Variants in RNF214 observed in about 807,000 individuals in gnomAD.
RNF214 encodes ring finger protein 214.
Under a neutral mutation model 75.9 loss-of-function variants are expected in RNF214, and 25 were observed. That is an observed-to-expected ratio of 0.33 (90% confidence interval 0.24 to 0.46). The LOEUF (loss-of-function observed/expected upper bound fraction) is 0.46. Ranked by LOEUF, RNF214 falls within the 20% of genes least tolerant of loss-of-function variation. The pLI, the probability that RNF214 is intolerant of heterozygous loss-of-function variation, is 1.00. For synonymous variants in RNF214, 314 were observed against 308.8 expected (o/e 1.02, Z -0.18); for missense variants, 725 against 857.5 (o/e 0.85, Z 1.93).
At chr11:117,265,574 C>T (rs142913921) in intron 6 of RNF214, among the ~76,000 whole-genome samples, 94 of 152,152 alleles carry the variant, frequency 6.2e-4, no homozygotes, top group African/African-American at 2.2e-3. Flanking sequence ...CTACTATGCC[C>T]AGCTGATTTT....
chr11:117,273,348 T>G (rs1295195203), intron 6 of RNF214, among the ~76,000 whole-genome samples: 2 of 146,274 alleles, frequency 1.4e-5, no homozygotes, highest in Non-Finnish European at 3.0e-5. Flanking sequence ...TTGCTTTTAT[T>G]TTCAAATTTG....
chr11:117,233,995 T>C (rs2032823681), intron 1 of RNF214, among the ~76,000 whole-genome samples: 1 of 152,246 alleles, frequency 6.6e-6, no homozygotes, highest in African/African-American at 2.4e-5. Context: ...TTGAAATGAC[T>C]ACATTTCTGC....
intron 14 of RNF214, among the ~76,000 whole-genome samples, chr11:117,283,585 T>A (rs1389222385): frequency 2.0e-5 from 3 of 152,182 alleles, no homozygotes; most frequent in Admixed American, 2.0e-4. Context: ...GGTCTCGAAC[T>A]CCTGACCTTG....
rs2034124814 is a variant in RNF214 at position 117,281,399 on chromosome 11, G to A, written c.1231G>A (p.Val411Ile). The A allele has an allele frequency of 6.2e-7, 1 of 1,607,846 alleles. No homozygotes were observed. The highest frequency in any genetic ancestry group is 1.3e-5 in the African/African-American group (1 of 74,888). The change falls in exon 9 of 15, where the codon GTT (valine) becomes ATT (isoleucine). Residue 411 changes from valine to isoleucine, a missense_variant. Val to Ile is a conservative substitution (Grantham distance 29). Around this residue, in one of 2 missense-constraint regions of RNF214, gnomAD observed 363 missense variants for 513.0 expected, o/e 0.71. Transcript: ENST00000300650. ...LNGVRIMKKN[V>I]RDQFNSHIQL... Reference sequence around the variant, plus strand: ...TGGAGTTCGGATAATGAAAAAGAATGTTCGTGTAAGTGTATCTATGAGTCA... The same window carrying A: ...TGGAGTTCGGATAATGAAAAAGAATATTCGTGTAAGTGTATCTATGAGTCA...
At chr11:117,250,120 G>A (rs2033332211) in intron 6 of RNF214, among the ~76,000 whole-genome samples, 1 of 152,234 alleles carries the variant, frequency 6.6e-6, no homozygotes, top group Non-Finnish European at 1.5e-5. Flanking sequence ...TACCATGACA[G>A]TGGTGGTATG....
At chr11:117,241,205 C>T (rs1276905706) in intron 4 of RNF214, among the ~76,000 whole-genome samples, 1 of 150,888 alleles carries the variant, frequency 6.6e-6, no homozygotes, top group African/African-American at 2.4e-5. Flanking sequence ...AACAAAAAAA[C>T]AAAAATTAGC....
At chr11:117,247,583 T>TGTAATTACA (rs139777810) in intron 6 of RNF214, among the ~76,000 whole-genome samples, 44,705 of 151,820 alleles carry the variant, frequency 0.29, 7,194 homozygotes, top group East Asian at 0.63. Flanking sequence ...ACAGGCACAG[T>TGTAATTACA]GGCTCACGCC....
At position 117,283,099 on chromosome 11, in the gene RNF214, C is replaced by T. The variant is rs17584190; in HGVS notation, c.1951-16C>T. Reference sequence around the variant, plus strand: ...GAGGTTCCTTACCTTTTGATCATGCCGCCTCTGTTCTACAGGCTCCAGCCA... The same window carrying T: ...GAGGTTCCTTACCTTTTGATCATGCTGCCTCTGTTCTACAGGCTCCAGCCA... On this transcript the variant is annotated splice_polypyrimidine_tract_variant and intron_variant, in intron 13 of 14. Transcript: ENST00000300650. The T allele has an allele frequency of 0.025, 39,505 of 1,593,032 alleles. 527 individuals carry two copies. Among genetic ancestry groups the T allele is most frequent in the South Asian group, 0.029 (2,590 of 90,090 alleles).
At chr11:117,239,526 C>T (rs1304225387) in intron 3 of RNF214, 3 of 489,294 alleles carry the variant, frequency 6.1e-6, no homozygotes, top group Non-Finnish European at 1.1e-5. Flanking sequence ...AGTATGGGCA[C>T]AACAGACTGT....
rs754406898 is a variant in RNF214 at position 117,238,606 on chromosome 11, A to G, written c.113A>G (p.Lys38Arg). 6 of 1,610,264 alleles carry G rather than the reference A, an allele frequency of 3.7e-6. No individual in the cohort carries two copies. Among genetic ancestry groups the G allele is most frequent in the Admixed American group, 1.7e-5 (1 of 59,586 alleles). ...DEGLPDGLSTKDSAQKQKNSP... is the reference protein window; with the variant it reads ...DEGLPDGLSTRDSAQKQKNSP... ...TTATCTTGTGTGTTTGATAGCACCA[A>G]AGACTCTGCACAGAAGCAGAAGAAC... The change falls in exon 3 of 15, where the codon AAA becomes AGA. Residue 38 changes from lysine (K) to arginine (R), a missense_variant. Lys to Arg is a conservative substitution (Grantham distance 26). This residue lies in a region of RNF214 where 362 missense variants were observed against 344.5 expected (regional missense o/e 1.05). Coordinates refer to ENST00000300650, the MANE Select transcript of RNF214 (RefSeq NM_207343.4).
chr11:117,268,185 T>C (rs1393555848), intron 6 of RNF214, among the ~76,000 whole-genome samples: 1 of 152,234 alleles, frequency 6.6e-6, no homozygotes, highest in Non-Finnish European at 1.5e-5. Context: ...TGGCTTTATC[T>C]GGAGGAGAAA....
At chr11:117,247,725 C>T (rs534995051) in intron 6 of RNF214, among the ~76,000 whole-genome samples, 59 of 152,026 alleles carry the variant, frequency 3.9e-4, no homozygotes, top group African/African-American at 1.4e-3. Flanking sequence ...GCGGCGTGCA[C>T]CTGTAGTCTC....
intron 6 of RNF214, among the ~76,000 whole-genome samples, chr11:117,253,943 A>T (rs1279355295): frequency 3.3e-5 from 5 of 151,444 alleles, no homozygotes; most frequent in Non-Finnish European, 5.9e-5. Context: ...TGGAAGCATC[A>T]CTCTGGGTGT....
intron 4 of RNF214, among the ~76,000 whole-genome samples, chr11:117,243,757 A>G (rs1382198436): frequency 6.6e-6 from 1 of 151,590 alleles, no homozygotes; most frequent in Non-Finnish European, 1.5e-5. Flanking sequence ...AGGTATTACT[A>G]TGTTGCCCAG....
At chr11:117,240,965 G>A (rs1055311215) in intron 4 of RNF214, among the ~76,000 whole-genome samples, 1 of 151,744 alleles carries the variant, frequency 6.6e-6, no homozygotes, top group South Asian at 2.1e-4. Context: ...GATTGCCTGA[G>A]CGCAGGAGTT....
At chr11:117,281,791 C>A (rs2034132816) in intron 10 of RNF214, 93 bp downstream of exon 10, 2 of 1,495,770 alleles carry the variant, frequency 1.3e-6, no homozygotes, top group African/African-American at 1.4e-5. Context: ...ATATTGGGAC[C>A]ATCCCTATTC....
In RNF214 at chr11:117,285,430, T is replaced by C. The variant is rs757627355; in HGVS notation, c.*279T>C. 14 of 291,636 alleles carry C rather than the reference T, an allele frequency of 4.8e-5. No homozygotes were observed. The highest frequency in any genetic ancestry group is 8.4e-5 in the Non-Finnish European group (13 of 155,194). 18.1% of individuals were successfully genotyped at this position (291,636 alleles called of 1,614,324 possible). ...TTAGTTTGGCCTTGAAATTATGATA[T>C]CCCTGCCCAGGGCTGTTTTCAAATA... On this transcript the variant is annotated 3_prime_UTR_variant, in exon 15 of 15. Transcript: ENST00000300650.
chr11:117,258,270 T>C (rs2033572773), intron 6 of RNF214, among the ~76,000 whole-genome samples: 1 of 152,104 alleles, frequency 6.6e-6, no homozygotes, highest in Non-Finnish European at 1.5e-5. Flanking sequence ...GGTTTCACCA[T>C]GTTGGCCAGG....
intron 6 of RNF214, among the ~76,000 whole-genome samples, chr11:117,262,576 C>A (rs564310481): frequency 6.6e-6 from 1 of 151,666 alleles, no homozygotes; most frequent in Non-Finnish European, 1.5e-5. Context: ...AATACAGGGT[C>A]TCGCTATATT....
Sources: allele counts gnomAD v4.1 joint callset (sites outside exome capture counted in the v4.1 genomes callset), GRCh38; gene constraint gnomAD v4.1.1; regional missense constraint gnomAD v4.1.1; transcripts MANE v1.5; gene names NCBI Gene and HGNC (gene_info 2026-07-23, HGNC 2026-07-21).